Variants in CDCA4 observed in about 807,000 individuals in gnomAD.
CDCA4 encodes the protein cell division cycle associated 4.
For missense variants in CDCA4, 294 were observed against 322.1 expected (o/e 0.91, Z 0.67); for synonymous variants, 130 against 137.0 (o/e 0.95, Z 0.36).
rs760713684 is a variant in CDCA4 at position 105,011,390 on chromosome 14, C to T, written c.540G>A (p.Leu180=). 6 of 1,614,144 alleles carry T rather than the reference C, an allele frequency of 3.7e-6. No homozygotes were observed. Among genetic ancestry groups the T allele is most frequent in the Non-Finnish European group, 5.1e-6 (6 of 1,180,052 alleles). The stretch of plus-strand genomic sequence containing the variant: ...AGTAGGGGCTGTCCACGTCTGAGAA[C>T]AGCTCTTCCATGCAGCTGGGGTTTT... ...ETKNPSCMEE[L]FSDVDSPYYD... is the part of the protein sequence containing the mutation. Residue 180 remains leucine, a synonymous_variant, in exon 2 of 2, where the codon CTG becomes CTA. Coordinates refer to ENST00000336219, the MANE Select transcript of CDCA4 (RefSeq NM_017955.4).
In CDCA4 at chr14:105,017,825, C is replaced by T. The variant is rs565955800; in HGVS notation, c.-7+3174G>A. On this transcript the variant is annotated intron_variant, in intron 1 of 1. Coordinates refer to ENST00000336219, the MANE Select transcript of CDCA4 (RefSeq NM_017955.4). ...CAGCCTGAACAACAGAGCGAGACTC[C>T]GTCTCAAAAAAAAAACACACACACA... Among the ~76,000 whole-genome samples, 4 of 150,924 alleles carry T rather than the reference C, an allele frequency of 2.7e-5. No homozygotes were observed. The South Asian group carries it at 8.4e-4, about 32-fold the overall frequency.
At chr14:105,017,141 A>C (rs191829917) in intron 1 of CDCA4, among the ~76,000 whole-genome samples, 8 of 152,254 alleles carry the variant, frequency 5.3e-5, no homozygotes, top group African/African-American at 1.9e-4. Context: ...CAGGACCAGC[A>C]GGTGTGAGCC....
intron 1 of CDCA4, among the ~76,000 whole-genome samples, chr14:105,017,719 T>C (rs1886119677): frequency 6.6e-6 from 1 of 151,874 alleles, no homozygotes; most frequent in South Asian, 2.1e-4. Flanking sequence ...TAGTCCCAGC[T>C]ACTCGGGAGG....
intron 1 of CDCA4, among the ~76,000 whole-genome samples, chr14:105,020,394 C>T (rs1033764154): frequency 6.6e-6 from 1 of 152,226 alleles, no homozygotes; most frequent in Non-Finnish European, 1.5e-5. Flanking sequence ...TTTGCCACGA[C>T]GATCCTGTTT....
At chr14:105,014,743 T>C (rs6576070) in intron 1 of CDCA4, among the ~76,000 whole-genome samples, 6,189 of 152,264 alleles carry the variant, frequency 0.041, 422 homozygotes, top group African/African-American at 0.14. Flanking sequence ...AAGGACACCC[T>C]GCGTTGGGGA....
At chr14:105,020,324 C>T (rs1485771233) in intron 1 of CDCA4, among the ~76,000 whole-genome samples, 1 of 152,256 alleles carries the variant, frequency 6.6e-6, no homozygotes, top group Non-Finnish European at 1.5e-5. Context: ...GCGTCCCACA[C>T]GAAGGCCACA....
At chr14:105,018,081 C>A (rs1483333038) in intron 1 of CDCA4, among the ~76,000 whole-genome samples, 1 of 151,842 alleles carries the variant, frequency 6.6e-6, no homozygotes, top group Non-Finnish European at 1.5e-5. Context: ...GAAGGGTAGC[C>A]ACCATCAGGG....
chr14:105,012,892 C>A (rs1182263589), intron 1 of CDCA4, among the ~76,000 whole-genome samples: 1 of 152,174 alleles, frequency 6.6e-6, no homozygotes, highest in African/African-American at 2.4e-5. Context: ...CTCATCTCAA[C>A]TCCTTTCTCT....
At chr14:105,015,476 T>C (rs950086714) in intron 1 of CDCA4, among the ~76,000 whole-genome samples, 2 of 37,142 alleles carry the variant, frequency 5.4e-5, no homozygotes, top group African/African-American at 9.2e-5. Flanking sequence ...GGAAGCCAGG[T>C]TGCCCTAGTC....
chr14:105,020,288 C>G (rs1050204183), intron 1 of CDCA4, among the ~76,000 whole-genome samples: 24 of 152,190 alleles, frequency 1.6e-4, no homozygotes, highest in African/African-American at 5.8e-4. Flanking sequence ...TTTGAGAGAA[C>G]GGTTATCTGG....
chr14:105,021,074 A>C lies in CDCA4; in HGVS notation c.-82T>G, dbSNP rs1180217613. ...CGCTGCCGCCAGCTTCCCGCCGCTG[A>C]GGAAGGAGCGCCCGACGGCGCGGGG... On this transcript the variant is annotated 5_prime_UTR_variant, in exon 1 of 2. Coordinates refer to ENST00000336219, the MANE Select transcript of CDCA4 (RefSeq NM_017955.4). The C allele has an allele frequency of 1.3e-5, 2 of 152,466 alleles. No homozygotes were observed. The highest frequency in any genetic ancestry group is 4.8e-5 in the African/African-American group (2 of 41,380). The allele number at this position is 152,466 out of a possible 1,614,324, so 9.4% of individuals were successfully genotyped here.
intron 1 of CDCA4, among the ~76,000 whole-genome samples, chr14:105,019,715 T>G (rs904950097): frequency 5.3e-5 from 8 of 151,210 alleles, no homozygotes; most frequent in East Asian, 1.9e-4. Context: ...AGGTATTTGG[T>G]TTTTTTTGTT....
At chr14:105,019,579 T>C (rs1290170037) in intron 1 of CDCA4, among the ~76,000 whole-genome samples, 1 of 152,246 alleles carries the variant, frequency 6.6e-6, no homozygotes, top group African/African-American at 2.4e-5. Flanking sequence ...AGCTTTGAAA[T>C]ACTTTATCGG....
intron 1 of CDCA4, among the ~76,000 whole-genome samples, chr14:105,016,915 CT>C (rs2140910915): frequency 6.6e-6 from 1 of 152,346 alleles, no homozygotes; most frequent in East Asian, 1.9e-4. Context: ...GAACTTTTTC[CT>C]TGTTTCCAGT....
intron 1 of CDCA4, among the ~76,000 whole-genome samples, chr14:105,016,728 C>T (rs1039046236): frequency 1.4e-4 from 21 of 152,238 alleles, no homozygotes; most frequent in African/African-American, 5.1e-4. Context: ...AGCTCTGGGT[C>T]AGCCCAACAA....
intron 1 of CDCA4, among the ~76,000 whole-genome samples, chr14:105,017,797 C>T (rs1886121855): frequency 6.6e-6 from 1 of 151,908 alleles, no homozygotes; most frequent in Admixed American, 6.5e-5. Flanking sequence ...CACCACTGCA[C>T]TACAGCCTGA....
chr14:105,011,940 A>G lies in CDCA4; in HGVS notation c.-6-5T>C. On this transcript the variant is annotated splice_region_variant and splice_polypyrimidine_tract_variant and intron_variant, in intron 1 of 1. Transcript: ENST00000336219. ...TCCTCGTGCAAACATTGTGTCCTGC[A>G]GAAACCAAGGAAGACACCACTTAGC... The G allele has an allele frequency of 6.3e-7, 1 of 1,595,332 alleles. No individual in the cohort carries two copies. Among genetic ancestry groups the G allele is most frequent in the Non-Finnish European group, 8.6e-7 (1 of 1,169,464 alleles).
At chr14:105,020,632 A>G (rs1034529182) in intron 1 of CDCA4, among the ~76,000 whole-genome samples, 6 of 152,188 alleles carry the variant, frequency 3.9e-5, no homozygotes, top group African/African-American at 1.2e-4. Context: ...CGCTGCAACT[A>G]GAGCCGAGGT....
At chr14:105,017,793 T>C (rs923976707) in intron 1 of CDCA4, among the ~76,000 whole-genome samples, 2 of 151,736 alleles carry the variant, frequency 1.3e-5, no homozygotes, top group African/African-American at 4.8e-5. Flanking sequence ...ATTGCACCAC[T>C]GCACTACAGC....
Sources: allele counts gnomAD v4.1 joint callset (sites outside exome capture counted in the v4.1 genomes callset), GRCh38; gene constraint gnomAD v4.1.1; transcripts MANE v1.5; gene names NCBI Gene and HGNC (gene_info 2026-07-23, HGNC 2026-07-21).